The following KIF7 variants were observed in gnomAD, a reference collection of about 807,000 sequenced individuals.
KIF7 encodes the protein kinesin family member 7.
A neutral mutation model predicts 135.7 loss-of-function variants in KIF7; 104 were observed. That is an observed-to-expected ratio of 0.77 (90% CI 0.65 to 0.90). KIF7 has a LOEUF of 0.90. Among genes scored for constraint, KIF7 ranks in the 40% least tolerant of loss-of-function variants. KIF7 has a pLI of 0.00. For synonymous variants in KIF7, 883 were observed against 809.4 expected, an observed-to-expected ratio of 1.09 and a Z score of -1.54; for missense variants, 2,005 against 1,839.1, an observed-to-expected ratio of 1.09 and a Z score of -1.65.
At chr15:89,627,145 A>G (rs1963546531), downstream of KIF7, 1 of 1,601,440 alleles carries the variant, frequency 6.2e-7, no homozygotes, top group African/African-American at 1.3e-5. Flanking sequence ...GTGGACATAA[A>G]GAAGTTGGAT....
chr15:89,649,275 T>A lies in KIF7; in HGVS notation c.622A>T (p.Thr208Ser). ...CGGCTAGACAGGTGGTTGAGGTGCG[T>A]GGCTCCCGTGTGCCGCGCCGCGTTG... ...MGNAARHTGA[T>S]HLNHLSSRSH... Residue 208 changes from threonine to serine, a missense_variant, in exon 4 of 19, where the codon ACG (threonine) becomes TCG (serine). Coordinates refer to ENST00000394412, the MANE Select transcript of KIF7 (RefSeq NM_198525.3). The A allele has an allele frequency of 1.3e-6, 2 of 1,519,200 alleles. No individual in the cohort carries two copies. The highest frequency in any genetic ancestry group is 1.8e-6 in the Non-Finnish European group (2 of 1,128,714). 94.1% of individuals were successfully genotyped at this position (1,519,200 alleles called of 1,614,324 possible). A position where few individuals can be genotyped will look rare whatever the true frequency, so the allele number is the denominator to read the frequency against.
At chr15:89,660,869 G>C in the KIF7 span, among the ~76,000 whole-genome samples, 1 of 152,154 alleles carries the variant, frequency 6.6e-6, no homozygotes, top group Non-Finnish European at 1.5e-5. Context: ...GATCTGTTGT[G>C]AGAAGAGTAT....
intron 1 of KIF7, among the ~76,000 whole-genome samples, chr15:89,654,501 C>T (rs1004082038): frequency 6.6e-6 from 1 of 151,982 alleles, no homozygotes; most frequent in African/African-American, 2.4e-5. Context: ...CAGGGAGCCA[C>T]GGAAGCTCCC....
Position 89,644,999 on chromosome 15 carries a change from T to C in KIF7, c.2191+14A>G. The C allele has an allele frequency of 6.2e-7, 1 of 1,607,164 alleles. No homozygotes were observed. Among genetic ancestry groups the C allele is most frequent in the East Asian group, 2.2e-5 (1 of 44,886 alleles). On this transcript the variant is annotated intron_variant, in intron 10 of 18. Transcript: ENST00000394412. ...CCCCTCGGGTGAGAGGCCCACCTGA[T>C]GCCCACGCCTCACCTGTGCGGACCA...
rs200126841 is a variant in KIF7, at chr15:89,633,122, G to A, written c.2718+19C>T. ...CAGCCCCCAGGGGAGCCCTGGGTGC[G>A]GACACAGCCTGGCCCCACCTGCTGC... On this transcript the variant is annotated intron_variant, in intron 13 of 18. Coordinates refer to ENST00000394412, the MANE Select transcript of KIF7 (RefSeq NM_198525.3). 551 of 1,601,628 alleles carry A rather than the reference G, an allele frequency of 3.4e-4. 2 individuals are homozygous for A. The African/African-American group carries it at 4.7e-3, about 14-fold the overall frequency.
chr15:89,625,362 C>T (rs867377992), downstream of KIF7: 1 of 1,614,034 alleles, frequency 6.2e-7, no homozygotes, highest in East Asian at 2.2e-5. Flanking sequence ...TAATTAAAGA[C>T]TGGCCCAGGA....
Position 89,646,902 on chromosome 15 carries a change from G to A in KIF7, c.1716C>T (p.His572=), listed in dbSNP as rs1287003200. 6 of 1,614,064 alleles carry A rather than the reference G, an allele frequency of 3.7e-6. No homozygotes were observed. The highest frequency in any genetic ancestry group is 4.2e-6 in the Non-Finnish European group (5 of 1,180,008). Residue 572 remains histidine (H), a synonymous_variant, in exon 7 of 19, where the codon CAC becomes CAT. Coordinates refer to ENST00000394412, the MANE Select transcript of KIF7 (RefSeq NM_198525.3). ...RPHTAPLGGA[H]AHVLGMVPPA... ...GCGGCACCATGCCCAGCACATGGGC[G>A]TGGGCACCCCCCAGGGGGGCTGTAT...
intron 3 of KIF7, 116 bp downstream of exon 3, chr15:89,649,625 A>G (rs2142031726): frequency 8.2e-7 from 1 of 1,226,110 alleles, no homozygotes; most frequent in Non-Finnish European, 1.1e-6. Context: ...AAAACCTCCC[A>G]GGGCTTGGGT....
chr15:89,648,453 G>T lies in KIF7; in HGVS notation c.1245C>A (p.Cys415Ter). Residue 415 changes from cysteine (C) to a stop codon, truncating the protein, a stop_gained, in exon 5 of 19, where the codon TGC becomes TGA. Transcript: ENST00000394412. LOFTEE classifies it high-confidence loss of function. The stretch of plus-strand genomic sequence containing the variant: ...GCAAGAGGCTGTAGGCGGCGTCGGT[G>T]CAGGCCCGGTAGCGCGCGCACTCGG... ...LGAECARYRA[C>*]TDAAYSLLRE... 3.7e-6 allele frequency: 4 copies of T among 1,086,122 alleles called. No homozygotes were observed. Among genetic ancestry groups the T allele is most frequent in the Non-Finnish European group, 4.5e-6 (4 of 894,444 alleles). 67.3% of individuals were successfully genotyped at this position (1,086,122 alleles called of 1,614,324 possible). A position where few individuals can be genotyped will look rare whatever the true frequency, so the allele number is the denominator to read the frequency against.
chr15:89,619,750 T>G (rs1319483774), intron 1 of KIF7: 3 of 1,613,910 alleles, frequency 1.9e-6, no homozygotes, highest in South Asian at 1.1e-5. Flanking sequence ...CAGTTGTCAT[T>G]TAGCAGGACA....
Position 89,629,484 on chromosome 15 carries a change from G to A in KIF7, c.3408C>T (p.Tyr1136=), listed in dbSNP as rs1350708770. ...MQLEEQQRLV[Y]WLEVALERQR... ...GCCGCTCCAGGGCCACCTCCAGCCA[G>A]TACACCAGCCTCTGCTGCTCCTCCA... The change falls in exon 17 of 19, where the codon TAC becomes TAT. Residue 1136 remains tyrosine, a synonymous_variant. Coordinates refer to ENST00000394412, the MANE Select transcript of KIF7 (RefSeq NM_198525.3). 1.2e-6 allele frequency: 2 copies of A among 1,611,288 alleles called. No individual in the cohort carries two copies. Among genetic ancestry groups the A allele is most frequent in the Admixed American group, 1.7e-5 (1 of 59,998 alleles).
At position 89,631,486 on chromosome 15, in the gene KIF7, G is replaced by A. The variant is rs147996726; in HGVS notation, c.3111+9C>T. On this transcript the variant is annotated intron_variant, in intron 15 of 18. Transcript: ENST00000394412. Reference sequence around the variant, plus strand: ...CACCAAGGGGCTGAGCCATGGGGCCGCAGGGTACCTCGGGGGACAGCAGAC... The same window carrying A: ...CACCAAGGGGCTGAGCCATGGGGCCACAGGGTACCTCGGGGGACAGCAGAC... 1.4e-5 allele frequency: 22 copies of A among 1,561,894 alleles called. No homozygotes were observed. The highest frequency in any genetic ancestry group is 2.2e-4 in the Middle Eastern group (1 of 4,478).
At chr15:89,651,867 G>C (rs2142035011) in intron 2 of KIF7, among the ~76,000 whole-genome samples, 1 of 152,304 alleles carries the variant, frequency 6.6e-6, no homozygotes, top group East Asian at 1.9e-4. Flanking sequence ...AATGGGATTA[G>C]TTCCCTTATA....
chr15:89,645,071 C>T lies in KIF7; in HGVS notation c.2133G>A (p.Arg711=). The change falls in exon 10 of 19, where the codon CGG becomes CGA. Residue 711 remains arginine, a synonymous_variant. Coordinates refer to ENST00000394412, the MANE Select transcript of KIF7 (RefSeq NM_198525.3). ...WRLAQAQQKI[R]ELAINIRMKE... Reference sequence around the variant, plus strand: ...TCATGCGGATGTTGATAGCCAGCTCCCGGATCTTCTGCTGGGCCTGGGCCA... The same window carrying T: ...TCATGCGGATGTTGATAGCCAGCTCTCGGATCTTCTGCTGGGCCTGGGCCA... 1.2e-6 allele frequency: 2 copies of T among 1,605,798 alleles called. No homozygotes were observed. The highest frequency in any genetic ancestry group is 1.7e-6 in the Non-Finnish European group (2 of 1,180,000).
In KIF7 at chr15:89,631,689, G is replaced by A. The variant is rs202229910; in HGVS notation, c.2917C>T (p.Arg973Ter). Residue 973 changes from arginine (R) to a stop codon, truncating the protein, a stop_gained, in exon 15 of 19, where the codon CGA becomes TGA. Coordinates refer to ENST00000394412, the MANE Select transcript of KIF7 (RefSeq NM_198525.3). LOFTEE classifies it high-confidence loss of function. The part of the protein sequence containing the change: ...SSQALNEDIV[R>*]VSSRLEHLEK... ...AGGTGCTCCAGCCGGCTGGACACTC[G>A]CACGATGTCCTCGTTGAGGGCCTGG... The A allele has an allele frequency of 4.5e-6, 7 of 1,555,514 alleles. No homozygotes were observed. The highest frequency in any genetic ancestry group is 1.9e-5 in the Admixed American group (1 of 52,344).
chr15:89,630,323 TGAG>T lies in KIF7; in HGVS notation c.3279_3281del (p.Ser1094del). 6.2e-7 allele frequency: 1 copy of T among 1,614,156 alleles called. No individual in the cohort carries two copies. The highest frequency in any genetic ancestry group is 8.5e-7 in the Non-Finnish European group (1 of 1,180,028). ...ACTTGCAGAGGAGGGCTCTGGTCTC[TGAG>T]GATGAGAGGTAGCTGAGCTTGGCCA... On this transcript the variant is annotated inframe_deletion, in exon 16 of 19. Transcript: ENST00000394412.
chr15:89,624,377 C>G (rs368858068), downstream of KIF7: 22 of 1,614,024 alleles, frequency 1.4e-5, no homozygotes, highest in African/African-American at 2.7e-5. Context: ...CTCTCCTGCC[C>G]TGTTCCCTCA....
chr15:89,633,974 G>C (rs755252833), intron 11 of KIF7, 91 bp from the exon 12 acceptor site: 132 of 1,362,796 alleles, frequency 9.7e-5, no homozygotes, highest in Non-Finnish European at 1.3e-4. Context: ...GGCAGATAGA[G>C]GGCAAATGGG....
chr15:89,631,449 G>C (rs958254942), intron 15 of KIF7, 46 bp downstream of exon 15: 17 of 1,477,248 alleles, frequency 1.2e-5, no homozygotes, highest in Non-Finnish European at 1.6e-5. Flanking sequence ...CAGACAGACA[G>C]GCATACAATG....
Sources: gnomAD v4.1 joint callset for allele counts (sites outside exome capture counted in the v4.1 genomes callset) on GRCh38, gnomAD v4.1.1 for gene constraint, MANE v1.5 for transcripts, NCBI Gene and HGNC (gene_info 2026-07-23, HGNC 2026-07-21) for gene names.